TCF7: variants seen among roughly 807,000 people sequenced by gnomAD.
The protein encoded by TCF7 is transcription factor 7.
Under a neutral mutation model 46.8 loss-of-function variants are expected in TCF7, and 19 were observed. That is an observed-to-expected ratio of 0.41 (90% CI 0.28 to 0.60). The LOEUF is 0.60. Among genes scored for constraint, TCF7 ranks in the 20% least tolerant of loss-of-function variants. The pLI is 0.35. For missense variants in TCF7, 547 were observed against 504.6 expected, an observed-to-expected ratio of 1.08 and a Z score of -0.81; for synonymous variants, 245 against 213.4, an observed-to-expected ratio of 1.15 and a Z score of -1.29.
chr5:134,126,011 G>A (rs548969825), intron 3 of TCF7, among the ~76,000 whole-genome samples: 29 of 152,302 alleles, frequency 1.9e-4, no homozygotes, highest in African/African-American at 6.0e-4. Flanking sequence ...GAAATAATAG[G>A]GTGTTTTAGA....
chr5:134,120,077 C>T (rs1347852278), intron 3 of TCF7, among the ~76,000 whole-genome samples: 1 of 152,160 alleles, frequency 6.6e-6, no homozygotes, highest in African/African-American at 2.4e-5. Context: ...AGAGCCGGCC[C>T]CAGCCCTGGC....
In TCF7 at chr5:134,114,806, A is replaced by C. The variant is rs173424; in HGVS notation, c.-101A>C. 4 of 970,398 alleles carry C rather than the reference A, an allele frequency of 4.1e-6. No individual in the cohort carries two copies. The highest frequency in any genetic ancestry group is 3.6e-5 in the African/African-American group (2 of 56,230). The allele number at this position is 970,398 out of a possible 1,614,324, so 60.1% of individuals were successfully genotyped here. A position where few individuals can be genotyped will look rare whatever the true frequency, so the allele number is the denominator to read the frequency against. On this transcript the variant is annotated 5_prime_UTR_variant, in exon 1 of 10. Coordinates refer to ENST00000342854, the MANE Select transcript of TCF7 (RefSeq NM_003202.5). ...CCCGCGCTCCGCCCGCCGCGATCCG[A>C]GCTCGGAGGTTCGGACTCCGGGCTC...
chr5:134,146,822 C>T lies in TCF7; in HGVS notation c.*519C>T. 2 of 433,340 alleles carry T rather than the reference C, an allele frequency of 4.6e-6. No homozygotes were observed. The highest frequency in any genetic ancestry group is 5.3e-5 in the South Asian group (2 of 37,510). 26.8% of individuals were successfully genotyped at this position (433,340 alleles called of 1,614,324 possible). ...CAGCCAGAAGCCTCTGCCTCCCTAG[C>T]TTTTCTGCTATAGGTCAGAGATGGG... On this transcript the variant is annotated 3_prime_UTR_variant, in exon 10 of 10. Coordinates refer to ENST00000342854, the MANE Select transcript of TCF7 (RefSeq NM_003202.5).
rs750549470 is a variant in TCF7, at chr5:134,143,512, T to G, written c.1027-80T>G. The G allele has an allele frequency of 2.5e-6, 4 of 1,584,382 alleles. No homozygotes were observed. The South Asian group carries it at 4.4e-5, about 18-fold the overall frequency. On this transcript the variant is annotated intron_variant, in intron 8 of 9. Coordinates refer to ENST00000342854, the MANE Select transcript of TCF7 (RefSeq NM_003202.5). ...GCCTGTACGCCCAGAATCCCAGGGT[T>G]ACCCAAGCTAGGCAGCAGGCTGTGG...
intron 9 of TCF7, chr5:134,144,995 G>C (rs2149360798): frequency 1.2e-6 from 1 of 824,116 alleles, no homozygotes; most frequent in Non-Finnish European, 2.1e-6. Flanking sequence ...AGCAGATTGG[G>C]AGCCCAGGCC....
intron 3 of TCF7, among the ~76,000 whole-genome samples, chr5:134,121,894 T>C (rs1424294704): frequency 6.6e-6 from 1 of 152,186 alleles, no homozygotes; most frequent in African/African-American, 2.4e-5. Flanking sequence ...CAGTGCGCTG[T>C]AGGTTCTGAG....
In TCF7 at chr5:134,146,272, C is replaced by G; in HGVS notation, c.1124C>G (p.Pro375Arg). Residue 375 changes from proline to arginine, a missense_variant, in exon 10 of 10, where the codon CCA (proline) becomes CGA (arginine). Around this residue, in one of 3 missense-constraint regions of TCF7, gnomAD observed 90 missense variants for 88.8 expected, o/e 1.01. Transcript: ENST00000342854. Reference sequence around the variant, plus strand: ...ACTTACCCGGAGAAGGCCGCTGCCCCAGCCCCGTTCCTTCCGATGACAGTG... The same window carrying G: ...ACTTACCCGGAGAAGGCCGCTGCCCGAGCCCCGTTCCTTCCGATGACAGTG... ...FGTYPEKAAA[P>R]APFLPMTVL 1 of 1,614,192 alleles carries G rather than the reference C, an allele frequency of 6.2e-7. No individual in the cohort carries two copies.
intron 2 of TCF7, chr5:134,115,692 C>T: frequency 7.0e-7 from 1 of 1,429,122 alleles, no homozygotes; most frequent in Non-Finnish European, 9.1e-7. Context: ...GGTTGGAGGG[C>T]GGGGGGTGGG....
chr5:134,130,545 G>A (rs892436071), intron 3 of TCF7, among the ~76,000 whole-genome samples: 27 of 152,326 alleles, frequency 1.8e-4, no homozygotes, highest in African/African-American at 6.5e-4. Flanking sequence ...CAGAAGAAGG[G>A]GTGCTTTTTC....
At chr5:134,139,133 C>T in intron 5 of TCF7, 95 bp downstream of exon 5, 1 of 1,512,114 alleles carries the variant, frequency 6.6e-7, no homozygotes, top group Non-Finnish European at 8.9e-7. Flanking sequence ...CTTGGCTGGC[C>T]ACCCTGCTGC....
At chr5:134,142,427 G>T (rs1173476128) in intron 6 of TCF7, 123 bp downstream of exon 6, 2 of 351,206 alleles carry the variant, frequency 5.7e-6, no homozygotes, top group Non-Finnish European at 9.2e-6. Flanking sequence ...CTATGTTTTT[G>T]ATCCTCAGAA....
chr5:134,128,874 A>T (rs1379291109), intron 3 of TCF7, among the ~76,000 whole-genome samples: 1 of 152,192 alleles, frequency 6.6e-6, no homozygotes, highest in Non-Finnish European at 1.5e-5. Flanking sequence ...TCTTTTGGTC[A>T]TTTATGACTG....
At chr5:134,126,219 T>G (rs1239943717) in intron 3 of TCF7, among the ~76,000 whole-genome samples, 1 of 152,054 alleles carries the variant, frequency 6.6e-6, no homozygotes, top group Non-Finnish European at 1.5e-5. Flanking sequence ...ACAGCCAAGG[T>G]CCAGGCGGGC....
intron 4 of TCF7, 67 bp downstream of exon 4, chr5:134,138,231 A>C: frequency 7.0e-7 from 1 of 1,434,246 alleles, no homozygotes; most frequent in Non-Finnish European, 9.8e-7. Flanking sequence ...CCAGCTTCTG[A>C]GACCAGGTAG....
chr5:134,120,923 G>A (rs915497092), intron 3 of TCF7, among the ~76,000 whole-genome samples: 4 of 152,220 alleles, frequency 2.6e-5, no homozygotes, highest in Non-Finnish European at 5.9e-5. Context: ...GTGCCAGTGC[G>A]GCCTGGCCAG....
intron 3 of TCF7, among the ~76,000 whole-genome samples, chr5:134,122,316 C>G (rs1433419263): frequency 6.6e-6 from 1 of 152,148 alleles, no homozygotes; most frequent in East Asian, 1.9e-4. Context: ...GAAAGACCTT[C>G]CCAAGGCCCA....
Position 134,114,923 on chromosome 5 carries a change from C to CCGGCGGGGG in TCF7, c.23_31dup (p.Gly8_Gly10dup), listed in dbSNP as rs1248036709. On this transcript the variant is annotated inframe_insertion, in exon 1 of 10. Transcript: ENST00000342854. Reference sequence around the variant, plus strand: ...GAGCGCACCATGCCGCAGCTGGACTCCGGCGGGGGCGGCGCGGGCGGCGGC... The same window carrying CCGGCGGGGG: ...GAGCGCACCATGCCGCAGCTGGACTCCGGCGGGGGCGGCGGGGGCGGCGCGGGCGGCGGC... 5.1e-5 allele frequency: 54 copies of CCGGCGGGGG among 1,059,142 alleles called. No individual in the cohort carries two copies. The highest frequency in any genetic ancestry group is 8.0e-5 in the East Asian group (1 of 12,576). The allele number at this position is 1,059,142 out of a possible 1,614,324, so 65.6% of individuals were successfully genotyped here. A position where few individuals can be genotyped will look rare whatever the true frequency, so the allele number is the denominator to read the frequency against.
At chr5:134,143,185 C>A in intron 8 of TCF7, 85 bp downstream of exon 8, 1 of 1,407,684 alleles carries the variant, frequency 7.1e-7, no homozygotes, top group Non-Finnish European at 9.8e-7. Flanking sequence ...GTAAGGAACG[C>A]AGAACTACTG....
intron 9 of TCF7, chr5:134,145,337 CCA>C: frequency 1.8e-6 from 1 of 541,744 alleles, no homozygotes; most frequent in Non-Finnish European, 3.6e-6. Context: ...CATCTGGTTG[CCA>C]GGTAGCCTTA....
Sources: gnomAD v4.1 joint callset for allele counts (sites outside exome capture counted in the v4.1 genomes callset) on GRCh38, gnomAD v4.1.1 for gene constraint, gnomAD v4.1.1 regional missense constraint, MANE v1.5 for transcripts, NCBI Gene and HGNC (gene_info 2026-07-23, HGNC 2026-07-21) for gene names.